Variants in PADI2 observed in about 807,000 individuals in gnomAD.
PADI2 encodes the protein peptidyl arginine deiminase 2.
Under a neutral mutation model 81.1 loss-of-function variants are expected in PADI2, and 70 were observed. That is an observed-to-expected ratio of 0.86 (90% CI 0.71 to 1.05). PADI2 has a LOEUF of 1.05. Ranked by LOEUF, PADI2 falls within the 50% of genes least tolerant of loss-of-function variation. PADI2 has a pLI of 0.00. For missense variants in PADI2, 853 were observed against 889.9 expected (o/e 0.96, Z 0.53); for synonymous variants, 338 against 358.0 (o/e 0.94, Z 0.63).
chr1:17,102,754 G>A (rs574269845), intron 3 of PADI2, among the ~76,000 whole-genome samples: 2 of 151,260 alleles, frequency 1.3e-5, no homozygotes, highest in Non-Finnish European at 3.0e-5. Flanking sequence ...TGACACTTGG[G>A]GGGGGGTTGC....
intron 10 of PADI2, among the ~76,000 whole-genome samples, chr1:17,081,760 T>C (rs1461016433): frequency 3.3e-5 from 5 of 152,178 alleles, no homozygotes; most frequent in Non-Finnish European, 7.4e-5. Context: ...GGACTGAGAA[T>C]GGCTTCCAGA....
chr1:17,071,789 C>T (rs993982071), intron 13 of PADI2, among the ~76,000 whole-genome samples: 1 of 152,196 alleles, frequency 6.6e-6, no homozygotes, highest in Non-Finnish European at 1.5e-5. Context: ...CAAGTAGCCC[C>T]CTGGTTCTCC....
At position 17,066,925 on chromosome 1, in the gene PADI2, G is replaced by T. The variant is rs1332542864; in HGVS notation, c.*2119C>A. 6.6e-6 allele frequency: 1 copy of T among 152,034 alleles called. No homozygotes were observed. The highest frequency in any genetic ancestry group is 2.4e-5 in the African/African-American group (1 of 41,374). 9.4% of individuals were successfully genotyped at this position (152,034 alleles called of 1,614,324 possible). A position where few individuals can be genotyped will look rare whatever the true frequency, so the allele number is the denominator to read the frequency against. On this transcript the variant is annotated 3_prime_UTR_variant, in exon 16 of 16. Coordinates refer to ENST00000375486, the MANE Select transcript of PADI2 (RefSeq NM_007365.3). ...TTACATAAGATATTTCAACATCAAG[G>T]TGGAAGCAGGAACTTAGCTGAGTTT...
chr1:17,104,513 C>T (rs1274464201), intron 2 of PADI2, among the ~76,000 whole-genome samples: 2 of 129,180 alleles, frequency 1.5e-5, no homozygotes, highest in Admixed American at 9.0e-5. Context: ...CGGCTCACTG[C>T]AAGCTCCGCC....
chr1:17,083,968 C>T (rs549672633), intron 8 of PADI2, 131 bp from the exon 9 acceptor site: 81 of 635,508 alleles, frequency 1.3e-4, no homozygotes, highest in African/African-American at 8.8e-4. Context: ...CCTGTGCTCA[C>T]GGCCACCTTT....
At chr1:17,118,369 C>T (rs1931827174) in intron 1 of PADI2, among the ~76,000 whole-genome samples, 1 of 152,122 alleles carries the variant, frequency 6.6e-6, no homozygotes, top group Non-Finnish European at 1.5e-5. Flanking sequence ...ATAGAGGGGG[C>T]AGATCAAACC....
intron 7 of PADI2, 79 bp downstream of exon 7, chr1:17,086,442 C>T: frequency 2.4e-6 from 3 of 1,226,632 alleles, no homozygotes; most frequent in South Asian, 2.9e-5. Context: ...TGGAGCATAG[C>T]ATAGGAATGG....
chr1:17,092,566 A>C (rs751174569), intron 5 of PADI2, 33 bp from the exon 6 acceptor site: 2 of 1,540,642 alleles, frequency 1.3e-6, no homozygotes, highest in Admixed American at 2.1e-5. Context: ...GAAGAGATCT[A>C]TCTGTTGCTG....
intron 9 of PADI2, chr1:17,083,515 A>G (rs1325991369): frequency 5.4e-6 from 3 of 560,246 alleles, no homozygotes; most frequent in Non-Finnish European, 6.4e-6. Flanking sequence ...ACAGATGGAC[A>G]TTTAGGTTGC....
Position 17,111,709 on chromosome 1 carries a change from G to A in PADI2, c.93-6648C>T, listed in dbSNP as rs76318567. On this transcript the variant is annotated intron_variant, in intron 1 of 15. Transcript: ENST00000375486. ...GAGTTTCTGATCTATCGACTGTGGG[G>A]TGGGACCTGAGAAACTGCATTTCTA... Among the ~76,000 whole-genome samples the A allele has an allele frequency of 6.0e-3, 921 of 152,338 alleles. 10 individuals are homozygous for A. Among genetic ancestry groups the A allele is most frequent in the African/African-American group, 0.021 (857 of 41,576 alleles).
rs201019498 is a variant in PADI2 at position 17,100,050 on chromosome 1, G to GC, written c.349+2936_349+2937insG. ...GCCTCTCAAGATATTGGGGTTGGGG[G>GC]GGGGCTTGCCTCTGAGGCGCTGCCC... On this transcript the variant is annotated intron_variant, in intron 3 of 15. Coordinates refer to ENST00000375486, the MANE Select transcript of PADI2 (RefSeq NM_007365.3). Among the ~76,000 whole-genome samples the GC allele has an allele frequency of 5.3e-5, 8 of 152,080 alleles. No individual in the cohort carries two copies. In the South Asian group the frequency reaches 1.0e-3, roughly 20 times the overall value.
chr1:17,091,536 C>T (rs1267308323), intron 6 of PADI2, among the ~76,000 whole-genome samples: 1 of 152,098 alleles, frequency 6.6e-6, no homozygotes, highest in Admixed American at 6.5e-5. Context: ...TCTGGGCTTC[C>T]ATCTGCTCTT....
intron 12 of PADI2, chr1:17,075,456 G>A (rs918256443): frequency 4.0e-5 from 19 of 469,514 alleles, no homozygotes; most frequent in Non-Finnish European, 6.4e-5. Context: ...TAAATCTCTC[G>A]TTAATAATTT....
chr1:17,118,858 C>T lies in PADI2; in HGVS notation c.92+422G>A, dbSNP rs547987438. On this transcript the variant is annotated intron_variant, in intron 1 of 15. Transcript: ENST00000375486. ...CCGGCAAGTCTCCGCGGAAGCTCCG[C>T]TGAACTGGGAGTGGGAAGCAGGAGA... is the stretch of plus-strand genomic sequence containing the variant. Among the ~76,000 whole-genome samples, 6 of 152,242 alleles carry T rather than the reference C, an allele frequency of 3.9e-5. 1 individual carries two copies. The highest frequency in any genetic ancestry group is 3.4e-3 in the Middle Eastern group (1 of 294).
Position 17,097,512 on chromosome 1 carries a change from C to T in PADI2, c.350-1542G>A, listed in dbSNP as rs111914742. 2.8e-3 allele frequency among the ~76,000 whole-genome samples: 430 copies of T among 152,280 alleles called. 3 individuals are homozygous for T. The highest frequency in any genetic ancestry group is 1.0e-2 in the African/African-American group (415 of 41,560). On this transcript the variant is annotated intron_variant, in intron 3 of 15. Coordinates refer to ENST00000375486, the MANE Select transcript of PADI2 (RefSeq NM_007365.3). ...TAATTTGTAACCTCCTCCCTCCGAT[C>T]GCATTCACTCCACATTTCACTGCTG...
chr1:17,076,255 C>A (rs1224179679), intron 11 of PADI2, among the ~76,000 whole-genome samples: 1 of 151,964 alleles, frequency 6.6e-6, no homozygotes, highest in African/African-American at 2.4e-5. Flanking sequence ...TGCTATGTTG[C>A]CCAGGCTGGA....
chr1:17,108,391 C>T (rs910702500), intron 1 of PADI2, among the ~76,000 whole-genome samples: 3 of 152,120 alleles, frequency 2.0e-5, no homozygotes, highest in Admixed American at 2.0e-4. Flanking sequence ...TTAGTCCCTA[C>T]GCCTCAGGAG....
At chr1:17,095,255 G>A (rs1481145615) in intron 4 of PADI2, among the ~76,000 whole-genome samples, 3 of 152,132 alleles carry the variant, frequency 2.0e-5, no homozygotes, top group Non-Finnish European at 4.4e-5. Flanking sequence ...AGAATGTGAT[G>A]GAGAACACCA....
rs868099812 is a variant in PADI2 at position 17,114,101 on chromosome 1, A to G, written c.92+5179T>C. Among the ~76,000 whole-genome samples, 3 of 152,232 alleles carry G rather than the reference A, an allele frequency of 2.0e-5. No individual in the cohort carries two copies. The East Asian group carries it at 5.8e-4, about 29-fold the overall frequency. The stretch of plus-strand genomic sequence containing the variant: ...GCTGTTCTAATTTATGGGCCACCTG[A>G]CCTGGCCTGAATTCCTCCCACCGTC... On this transcript the variant is annotated intron_variant, in intron 1 of 15. Transcript: ENST00000375486.
Sources: gnomAD v4.1 joint callset for allele counts (sites outside exome capture counted in the v4.1 genomes callset) on GRCh38, gnomAD v4.1.1 for gene constraint, MANE v1.5 for transcripts, NCBI Gene and HGNC (gene_info 2026-07-23, HGNC 2026-07-21) for gene names.